Variants in EXOC6B observed in about 807,000 individuals in gnomAD.
The protein encoded by EXOC6B is exocyst complex component 6B, also known as SEC15 homolog B.
In EXOC6B, 54 loss-of-function variants were observed where a neutral mutation model predicts 113.5. The ratio of observed to expected loss-of-function variants is 0.48; its 90% CI spans 0.38 to 0.60. The LOEUF is 0.60. Among genes scored for constraint, EXOC6B ranks in the 20% least tolerant of loss-of-function variants. The pLI is 0.00. For missense variants in EXOC6B, 797 were observed against 977.5 expected (o/e 0.82, Z 2.46); for synonymous variants, 357 against 339.0 (o/e 1.05, Z -0.58).
At chr2:72,574,806 AAAC>A (rs1330685610) in intron 7 of EXOC6B, among the ~76,000 whole-genome samples, 1 of 152,230 alleles carries the variant, frequency 6.6e-6, no homozygotes, top group Non-Finnish European at 1.5e-5. Flanking sequence ...TATTTAGAAA[AAAC>A]ATTTTAACAG....
chr2:72,702,054 G>C (rs1422972034), intron 6 of EXOC6B, among the ~76,000 whole-genome samples: 2 of 151,046 alleles, frequency 1.3e-5, no homozygotes, highest in African/African-American at 2.4e-5. Context: ...TATATCTCCC[G>C]ATGCTAACCC....
chr2:72,781,643 T>G (rs966984320), intron 1 of EXOC6B, among the ~76,000 whole-genome samples: 4 of 152,150 alleles, frequency 2.6e-5, no homozygotes, highest in African/African-American at 9.6e-5. Flanking sequence ...GTGGCCTGCA[T>G]GCCAGTTAGC....
intron 1 of EXOC6B, among the ~76,000 whole-genome samples, chr2:72,757,130 C>G (rs1226201587): frequency 6.6e-6 from 1 of 152,132 alleles, no homozygotes; most frequent in Admixed American, 6.5e-5. Flanking sequence ...AGAATAGTAA[C>G]TGGTTCATAG....
intron 6 of EXOC6B, among the ~76,000 whole-genome samples, chr2:72,633,617 C>T (rs1487547287): frequency 6.6e-6 from 1 of 152,090 alleles, no homozygotes; most frequent in Non-Finnish European, 1.5e-5. Flanking sequence ...TAATATTTGC[C>T]TTATAGGTTT....
chr2:72,539,393 T>G (rs1025062963), intron 8 of EXOC6B, among the ~76,000 whole-genome samples: 17 of 152,354 alleles, frequency 1.1e-4, no homozygotes, highest in Non-Finnish European at 2.5e-4. Flanking sequence ...AAAGTACAAC[T>G]TGATCACCAG....
chr2:72,312,286 TC>T (rs1004597921), intron 20 of EXOC6B, among the ~76,000 whole-genome samples: 1 of 150,594 alleles, frequency 6.6e-6, no homozygotes, highest in Non-Finnish European at 1.5e-5. Context: ...AAGCGGGCCA[TC>T]CCCTGTTGTC....
intron 18 of EXOC6B, among the ~76,000 whole-genome samples, chr2:72,410,311 A>T (rs1436486132): frequency 6.6e-6 from 1 of 152,202 alleles, no homozygotes; most frequent in Non-Finnish European, 1.5e-5. Flanking sequence ...TCTTGATGGA[A>T]CGTTTCTGAA....
At chr2:72,447,097 C>T (rs1696628903) in intron 18 of EXOC6B, among the ~76,000 whole-genome samples, 1 of 149,586 alleles carries the variant, frequency 6.7e-6, no homozygotes, top group South Asian at 2.1e-4. Flanking sequence ...AGTGAGACTT[C>T]GTCTCAAAAA....
At chr2:72,249,988 T>A (rs1682907188) in intron 20 of EXOC6B, among the ~76,000 whole-genome samples, 1 of 152,246 alleles carries the variant, frequency 6.6e-6, no homozygotes, top group African/African-American at 2.4e-5. Flanking sequence ...GCTTCCTGAA[T>A]GTAGTGACTT....
chr2:72,475,257 G>A (rs939817038), intron 17 of EXOC6B, among the ~76,000 whole-genome samples: 6 of 152,164 alleles, frequency 3.9e-5, no homozygotes, highest in Non-Finnish European at 7.3e-5. Context: ...AGTGACAACA[G>A]TAGGTGGGGT....
intron 13 of EXOC6B, 81 bp downstream of exon 13, chr2:72,498,373 T>G: frequency 1.1e-6 from 1 of 916,978 alleles, no homozygotes; most frequent in Non-Finnish European, 1.7e-6. Context: ...CTATAACATC[T>G]GAAAACCTTT....
At chr2:72,582,840 C>T (rs988211143) in intron 6 of EXOC6B, among the ~76,000 whole-genome samples, 3 of 152,092 alleles carry the variant, frequency 2.0e-5, no homozygotes, top group African/African-American at 4.8e-5. Flanking sequence ...AGCAGGCCCA[C>T]CTACAGGTCC....
intron 12 of EXOC6B, 130 bp downstream of exon 12, chr2:72,499,771 C>A: frequency 1.6e-6 from 1 of 617,784 alleles, no homozygotes; most frequent in South Asian, 2.2e-5. Flanking sequence ...TGGACTCAAG[C>A]AATTCTCCTA....
intron 1 of EXOC6B, among the ~76,000 whole-genome samples, chr2:72,823,956 A>G (rs2105189601): frequency 6.6e-6 from 1 of 152,316 alleles, no homozygotes; most frequent in South Asian, 2.1e-4. Context: ...GTGTAGGACC[A>G]TTGACCCTTA....
chr2:72,195,028 CA>C (rs1489810713), intron 20 of EXOC6B, among the ~76,000 whole-genome samples: 2 of 152,114 alleles, frequency 1.3e-5, no homozygotes, highest in Non-Finnish European at 2.9e-5. Context: ...TATCAGTGAC[CA>C]ATTGCCTATC....
chr2:72,188,794 A>G (rs1045684553), intron 20 of EXOC6B, among the ~76,000 whole-genome samples: 2 of 152,160 alleles, frequency 1.3e-5, no homozygotes, highest in Non-Finnish European at 1.5e-5. Flanking sequence ...AATATTTCAA[A>G]TTTATCAGAA....
intron 8 of EXOC6B, among the ~76,000 whole-genome samples, chr2:72,540,827 T>C (rs1349281478): frequency 6.6e-6 from 1 of 152,220 alleles, no homozygotes; most frequent in African/African-American, 2.4e-5. Context: ...TAAGTGGCTA[T>C]GAGAGAGACA....
chr2:72,427,501 T>C lies in EXOC6B; in HGVS notation c.1980+37659A>G, dbSNP rs183924653. On this transcript the variant is annotated intron_variant, in intron 18 of 21. Transcript: ENST00000272427. ...GGGTTGGGGCTAAGCACAGGCACTG[T>C]CATAGCCTGGCATGGTGTGTACATG... is the stretch of plus-strand genomic sequence containing the variant. Among the ~76,000 whole-genome samples, 13 of 152,294 alleles carry C rather than the reference T, an allele frequency of 8.5e-5. No homozygotes were observed. The East Asian group carries it at 2.5e-3, about 29-fold the overall frequency.
intron 18 of EXOC6B, among the ~76,000 whole-genome samples, chr2:72,416,447 A>G (rs1694529534): frequency 6.6e-6 from 1 of 152,212 alleles, no homozygotes; most frequent in African/African-American, 2.4e-5. Flanking sequence ...TCTAACATAT[A>G]ACTGCAGAAT....
Sources: gnomAD v4.1 joint callset for allele counts (sites outside exome capture counted in the v4.1 genomes callset) on GRCh38, gnomAD v4.1.1 for gene constraint, MANE v1.5 for transcripts, NCBI Gene and HGNC (gene_info 2026-07-23, HGNC 2026-07-21) for gene names.